The following DOCK9 variants were observed in gnomAD, a reference collection of about 807,000 sequenced individuals.
The protein encoded by DOCK9 is dedicator of cytokinesis protein 9.
A neutral mutation model predicts 263.3 loss-of-function variants in DOCK9; 89 were observed. The ratio of observed to expected loss-of-function variants is 0.34; its 90% CI spans 0.28 to 0.40. The LOEUF is 0.40. Ranked by LOEUF, DOCK9 falls within the 10% of genes least tolerant of loss-of-function variation. The pLI, the probability that DOCK9 is intolerant of heterozygous loss-of-function variation, is 1.00. For missense variants in DOCK9, 2,140 were observed against 2,603.4 expected (o/e 0.82, Z 3.87); for synonymous variants, 976 against 973.1 (o/e 1.00, Z -0.06).
chr13:99,080,495 T>C (rs745397939), intron 1 of DOCK9, among the ~76,000 whole-genome samples: 3 of 152,210 alleles, frequency 2.0e-5, no homozygotes, highest in Non-Finnish European at 4.4e-5. Flanking sequence ...ATCAATGAAA[T>C]TGTTCCCAAA....
In DOCK9 at chr13:98,885,103, C is replaced by G. The variant is rs943397037; in HGVS notation, c.2261-11G>C. On this transcript the variant is annotated splice_polypyrimidine_tract_variant and intron_variant, in intron 20 of 52. Transcript: ENST00000682017. ...GCCAGGAGTAGCCAACTGTTGAAAA[C>G]AAAGAACAACAACAACAACAGAACA... 1.9e-6 allele frequency: 3 copies of G among 1,612,962 alleles called. No individual in the cohort carries two copies. The African/African-American group carries it at 4.0e-5, about 22-fold the overall frequency.
chr13:98,891,786 T>C (rs1232211626), intron 15 of DOCK9, among the ~76,000 whole-genome samples: 1 of 151,350 alleles, frequency 6.6e-6, no homozygotes, highest in Non-Finnish European at 1.5e-5. Context: ...TTTAGTTCCA[T>C]ATTATGTAGC....
chr13:98,898,229 C>G lies in DOCK9; in HGVS notation c.1536G>C (p.Gln512His). 3.1e-6 allele frequency: 5 copies of G among 1,612,132 alleles called. No individual in the cohort carries two copies. Among genetic ancestry groups the G allele is most frequent in the Non-Finnish European group, 4.2e-6 (5 of 1,179,140 alleles). ...TATACTGTCCTAGTCTTTGGCATGC[C>G]TGCTTGGCATTCTTCAGCACCTTCT... ...VAQKVLKNAK[Q>H]ACQRLGQYRM... Residue 512 changes from glutamine (Q) to histidine (H), a missense_variant, in exon 14 of 53, where the codon CAG (glutamine) becomes CAC (histidine). Gln to His is a conservative substitution (Grantham distance 24). Transcript: ENST00000682017.
intron 1 of DOCK9, chr13:99,015,396 T>C (rs1885239348): frequency 1.4e-6 from 2 of 1,432,426 alleles, no homozygotes; most frequent in African/African-American, 2.8e-5. Context: ...TAAAGACTAG[T>C]TTATTCTAAC....
At chr13:98,926,879 A>G (rs1473088185) in intron 3 of DOCK9, among the ~76,000 whole-genome samples, 1 of 152,238 alleles carries the variant, frequency 6.6e-6, no homozygotes, top group Non-Finnish European at 1.5e-5. Context: ...AACTAACATG[A>G]ACAACGTCTC....
chr13:99,079,387 G>A (rs971247275), intron 1 of DOCK9, among the ~76,000 whole-genome samples: 3 of 152,116 alleles, frequency 2.0e-5, no homozygotes, highest in African/African-American at 4.8e-5. Context: ...CTGTGACCTC[G>A]AGGTAACGTA....
intron 1 of DOCK9, chr13:99,015,982 T>A (rs1481078884): frequency 5.6e-6 from 1 of 178,322 alleles, no homozygotes; most frequent in African/African-American, 2.4e-5. Context: ...TGCTTGGGAT[T>A]GTTCTGAATC....
chr13:99,078,295 A>T (rs2041992662), intron 1 of DOCK9, among the ~76,000 whole-genome samples: 1 of 152,164 alleles, frequency 6.6e-6, no homozygotes, highest in Non-Finnish European at 1.5e-5. Flanking sequence ...GGAAACAATT[A>T]AATTCTATAA....
At chr13:99,008,807 G>A (rs941355065) in intron 1 of DOCK9, among the ~76,000 whole-genome samples, 1 of 152,056 alleles carries the variant, frequency 6.6e-6, no homozygotes, top group African/African-American at 2.4e-5. Context: ...CCTCTTTAAG[G>A]CCACAGTACT....
At chr13:98,937,713 CTTT>C (rs34325473) in intron 2 of DOCK9, among the ~76,000 whole-genome samples, 296 of 146,204 alleles carry the variant, frequency 2.0e-3, no homozygotes, top group East Asian at 7.6e-3. Flanking sequence ...TTTTGTTTTG[CTTT>C]TTTTTTTTTT....
intron 1 of DOCK9, among the ~76,000 whole-genome samples, chr13:99,081,972 C>T (rs574859363): frequency 1.3e-5 from 2 of 152,224 alleles, no homozygotes; most frequent in African/African-American, 4.8e-5. Flanking sequence ...TATGCTGGCT[C>T]GCACCTGTAA....
chr13:99,042,610 A>G (rs1888570350), intron 1 of DOCK9, among the ~76,000 whole-genome samples: 2 of 152,222 alleles, frequency 1.3e-5, no homozygotes, highest in African/African-American at 4.8e-5. Context: ...ATCTCCTGTC[A>G]AAAGAGGAAG....
intron 47 of DOCK9, chr13:98,809,087 A>T: frequency 6.5e-7 from 1 of 1,540,524 alleles, no homozygotes; most frequent in African/African-American, 1.4e-5. Flanking sequence ...AGTACCAAAG[A>T]TGTTGCTAAG....
intron 1 of DOCK9, among the ~76,000 whole-genome samples, chr13:99,079,479 A>G (rs1476775782): frequency 6.6e-6 from 1 of 152,224 alleles, no homozygotes; most frequent in African/African-American, 2.4e-5. Context: ...TTTAGTCAAG[A>G]TAATCAATCT....
chr13:98,996,574 A>T (rs532637270), intron 1 of DOCK9, among the ~76,000 whole-genome samples: 2 of 152,392 alleles, frequency 1.3e-5, no homozygotes, highest in African/African-American at 4.8e-5. Context: ...ATCTAATCCA[A>T]GCTTGTCCAA....
At chr13:99,073,314 T>A (rs2041764001) in intron 1 of DOCK9, among the ~76,000 whole-genome samples, 1 of 151,874 alleles carries the variant, frequency 6.6e-6, no homozygotes, top group African/African-American at 2.4e-5. Flanking sequence ...TCATTCTCTC[T>A]CTCTCTCTCT....
At chr13:99,080,450 GA>G (rs900043690) in intron 1 of DOCK9, among the ~76,000 whole-genome samples, 10 of 151,810 alleles carry the variant, frequency 6.6e-5, no homozygotes, top group Non-Finnish European at 1.2e-4. Flanking sequence ...AAAGACAAAG[GA>G]AAAAAAATCT....
At chr13:98,989,319 G>A (rs201539182) in intron 1 of DOCK9, among the ~76,000 whole-genome samples, 77 of 34,598 alleles carry the variant, frequency 2.2e-3, no homozygotes, top group Non-Finnish European at 4.3e-3. Context: ...TAATAATAAT[G>A]ATGATGATGA....
At chr13:99,086,145 A>T in intron 1 of DOCK9, 12 of 1,392,314 alleles carry the variant, frequency 8.6e-6, no homozygotes, top group Non-Finnish European at 1.1e-5. Flanking sequence ...CCTGCCGACT[A>T]AGAGGCGCCC....
Sources: gnomAD v4.1 joint callset for allele counts (sites outside exome capture counted in the v4.1 genomes callset) on GRCh38, gnomAD v4.1.1 for gene constraint, MANE v1.5 for transcripts, NCBI Gene and HGNC (gene_info 2026-07-23, HGNC 2026-07-21) for gene names.